The following AMZ1 variants were observed in gnomAD, a reference collection of about 807,000 sequenced individuals.
AMZ1 encodes the protein archaelysin family metallopeptidase 1.
AMZ1 carries 39 observed loss-of-function variants against 29.9 expected under a neutral mutation model. The ratio of observed to expected loss-of-function variants is 1.30; its 90% CI spans 1.01 to 1.70. AMZ1 has a LOEUF of 1.70. Among genes scored for constraint, AMZ1 ranks in the 40% most tolerant of loss-of-function variants. The pLI is 0.00. For missense variants in AMZ1, 1,041 were observed against 680.6 expected, an observed-to-expected ratio of 1.53 and a Z score of -5.89; for synonymous variants, 458 against 304.0, an observed-to-expected ratio of 1.51 and a Z score of -5.27.
rs1191754442 is a variant in AMZ1, at chr7:2,714,598, T to A, written c.*1720T>A. On this transcript the variant is annotated 3_prime_UTR_variant, in exon 7 of 7. Coordinates refer to ENST00000683327, the MANE Select transcript of AMZ1 (RefSeq NM_001384743.1). ...AAGGTGAAAGCCGGAGCCTGGTGGC[T>A]GTTGCTGCAAACAACCACCCAAAAC... The A allele has an allele frequency of 6.6e-6, 1 of 152,264 alleles. No individual in the cohort carries two copies. Among genetic ancestry groups the A allele is most frequent in the Non-Finnish European group, 1.5e-5 (1 of 68,044 alleles). 9.4% of individuals were successfully genotyped at this position (152,264 alleles called of 1,614,324 possible). A position where few individuals can be genotyped will look rare whatever the true frequency, so the allele number is the denominator to read the frequency against.
chr7:2,710,410 C>T (rs575644838), intron 6 of AMZ1, among the ~76,000 whole-genome samples: 25 of 152,344 alleles, frequency 1.6e-4, no homozygotes, highest in African/African-American at 6.0e-4. Flanking sequence ...CAGCTTTGGA[C>T]TACAACCAGT....
chr7:2,689,371 G>GGGGA (rs1554244935), intron 1 of AMZ1, among the ~76,000 whole-genome samples: 4 of 83,168 alleles, frequency 4.8e-5, no homozygotes, highest in Non-Finnish European at 8.9e-5. Context: ...GAACCTCCCT[G>GGGGA]GGGGGGGGAT....
At chr7:2,738,116 A>G (rs999436149) in intron 4 of AMZ1, among the ~76,000 whole-genome samples, 1 of 152,142 alleles carries the variant, frequency 6.6e-6, no homozygotes, top group African/African-American at 2.4e-5. Flanking sequence ...TTGCTAATTT[A>G]TCATCCCCAA....
upstream of AMZ1, among the ~76,000 whole-genome samples, chr7:2,760,869 T>C (rs1392581160): frequency 6.6e-6 from 1 of 152,196 alleles, no homozygotes; most frequent in Non-Finnish European, 1.5e-5. Flanking sequence ...GAACAGAAGT[T>C]GTCACATCCT....
chr7:2,704,652 A>G (rs1788248599), intron 3 of AMZ1, among the ~76,000 whole-genome samples: 1 of 127,616 alleles, frequency 7.8e-6, no homozygotes, highest in Admixed American at 9.8e-5. Context: ...GCTGGAGTGC[A>G]GTGGCATGAT....
rs1461545273 is a variant in AMZ1, at chr7:2,708,582, C to T, written c.473-6C>T. 6.2e-7 allele frequency: 1 copy of T among 1,612,106 alleles called. No homozygotes were observed. The highest frequency in any genetic ancestry group is 1.7e-5 in the Admixed American group (1 of 60,022). On this transcript the variant is annotated splice_region_variant and splice_polypyrimidine_tract_variant and intron_variant, in intron 3 of 6. Transcript: ENST00000683327. Reference sequence around the variant, plus strand: ...CTGACCCCATCCTCTGGCCCTCTCCCCGCAGACGGCATCCTGTCCTTCTTG... The same window carrying T: ...CTGACCCCATCCTCTGGCCCTCTCCTCGCAGACGGCATCCTGTCCTTCTTG...
chr7:2,708,177 C>T (rs1227966796), intron 3 of AMZ1, among the ~76,000 whole-genome samples: 1 of 152,138 alleles, frequency 6.6e-6, no homozygotes, highest in Non-Finnish European at 1.5e-5. Flanking sequence ...CAGAAAAACG[C>T]CTCCATCCCA....
downstream of AMZ1, among the ~76,000 whole-genome samples, chr7:2,722,074 T>A (rs1310371039): frequency 6.6e-6 from 1 of 152,094 alleles, no homozygotes; most frequent in Non-Finnish European, 1.5e-5. Flanking sequence ...GCACAGGCGC[T>A]AAAGCCAGAA....
At chr7:2,763,217 CACACACACACACA>C, upstream of AMZ1, 1 of 435,364 alleles carries the variant, frequency 2.3e-6, no homozygotes, top group Non-Finnish European at 3.3e-6. Flanking sequence ...CACACACACA[CACACACACACACA>C]CGGTCTCAAC....
In AMZ1 at chr7:2,700,615, T is replaced by C. The variant is rs1371884868; in HGVS notation, c.164T>C (p.Phe55Ser). The change falls in exon 2 of 7, where the codon TTC (phenylalanine) becomes TCC (serine). Residue 55 changes from phenylalanine (F) to serine (S), a missense_variant. Coordinates refer to ENST00000683327, the MANE Select transcript of AMZ1 (RefSeq NM_001384743.1). Reference sequence around the variant, plus strand: ...GCCTACAACCCGCAGAGGACGCTCTTCTGCACCCTGCTCATCCGCACGGGC... The same window carrying C: ...GCCTACAACCCGCAGAGGACGCTCTCCTGCACCCTGCTCATCCGCACGGGC... ...AEAYNPQRTLFCTLLIRTGFD... is the reference protein window; with the variant it reads ...AEAYNPQRTLSCTLLIRTGFD... 1.9e-6 allele frequency: 3 copies of C among 1,610,850 alleles called. No homozygotes were observed. In the Admixed American group the frequency reaches 5.0e-5, roughly 27 times the overall value.
At chr7:2,692,539 C>G (rs1787463773) in intron 1 of AMZ1, among the ~76,000 whole-genome samples, 1 of 152,036 alleles carries the variant, frequency 6.6e-6, no homozygotes, top group African/African-American at 2.4e-5. Flanking sequence ...GAGGCTCCAT[C>G]TCAAAAAATA....
chr7:2,699,926 C>A (rs1305137199), intron 1 of AMZ1, among the ~76,000 whole-genome samples: 1 of 152,160 alleles, frequency 6.6e-6, no homozygotes, highest in East Asian at 1.9e-4. Flanking sequence ...CATGTCCCTG[C>A]CCCTGCCGAG....
Position 2,713,215 on chromosome 7 carries a change from C to A in AMZ1, c.*337C>A. The A allele has an allele frequency of 5.0e-6, 1 of 198,638 alleles. No homozygotes were observed. Among genetic ancestry groups the A allele is most frequent in the Non-Finnish European group, 1.0e-5 (1 of 98,738 alleles). The allele number at this position is 198,638 out of a possible 1,614,324, so 12.3% of individuals were successfully genotyped here. A position where few individuals can be genotyped will look rare whatever the true frequency, so the allele number is the denominator to read the frequency against. On this transcript the variant is annotated 3_prime_UTR_variant, in exon 7 of 7. Transcript: ENST00000683327. Reference sequence around the variant, plus strand: ...TGTGATCATACCACTGTACTGCAGTCTGGGCCACACAGAAAGACTGTCTCC... The same window carrying A: ...TGTGATCATACCACTGTACTGCAGTATGGGCCACACAGAAAGACTGTCTCC...
upstream of AMZ1, chr7:2,762,915 A>C: frequency 7.1e-7 from 1 of 1,411,754 alleles, no homozygotes; most frequent in Non-Finnish European, 9.3e-7. Context: ...AGAAGAGGCC[A>C]CAGGCGGGGA....
intron 1 of AMZ1, among the ~76,000 whole-genome samples, chr7:2,698,307 G>A (rs1787856686): frequency 6.6e-6 from 1 of 152,194 alleles, no homozygotes; most frequent in Non-Finnish European, 1.5e-5. Context: ...GGAGGCAGAG[G>A]CAGTCGGATC....
chr7:2,752,038 T>C (rs1273049678), intron 4 of AMZ1, among the ~76,000 whole-genome samples: 1 of 151,962 alleles, frequency 6.6e-6, no homozygotes, highest in East Asian at 1.9e-4. Context: ...ACCGACAAGA[T>C]TATCAAAAAA....
intron 4 of AMZ1, among the ~76,000 whole-genome samples, chr7:2,748,377 T>C (rs1031409695): frequency 1.3e-5 from 2 of 152,212 alleles, no homozygotes; most frequent in African/African-American, 4.8e-5. Context: ...CTATCTGATC[T>C]TTGACAAACC....
chr7:2,762,867 C>T (rs1021633102), upstream of AMZ1: 22 of 1,450,920 alleles, frequency 1.5e-5, no homozygotes, highest in South Asian at 2.9e-5. Context: ...GGGCCAGCTC[C>T]GAGCCCTGCT....
At position 2,693,333 on chromosome 7, in the gene AMZ1, C is replaced by T. The variant is rs373483343; in HGVS notation, c.-219+5037C>T. The stretch of plus-strand genomic sequence containing the variant: ...GAACTCCTGACCTCAGGTGATTGCC[C>T]GCCTCCCAAGGTGCTGGGATTACAG... On this transcript the variant is annotated intron_variant, in intron 1 of 6. Transcript: ENST00000683327. 1.1e-4 allele frequency among the ~76,000 whole-genome samples: 17 copies of T among 152,072 alleles called. No individual in the cohort carries two copies. In the East Asian group the frequency reaches 1.9e-3, roughly 17 times the overall value.
Sources: allele counts gnomAD v4.1 joint callset (sites outside exome capture counted in the v4.1 genomes callset), GRCh38; gene constraint gnomAD v4.1.1; transcripts MANE v1.5; gene names NCBI Gene and HGNC (gene_info 2026-07-23, HGNC 2026-07-21).